Variants in DEPDC5 observed in about 807,000 individuals in gnomAD.
DEPDC5 encodes the protein DEP domain containing 5, GATOR1 subcomplex subunit, also known as GATOR1 complex protein DEPDC5.
DEPDC5 carries 73 observed loss-of-function variants against 217.3 expected under a neutral mutation model. The ratio of observed to expected loss-of-function variants is 0.34; its 90% CI spans 0.28 to 0.41. DEPDC5 has a LOEUF of 0.41. Among genes scored for constraint, DEPDC5 ranks in the 10% least tolerant of loss-of-function variants. The pLI, the probability that DEPDC5 is intolerant of heterozygous loss-of-function variation, is 1.00. For synonymous variants in DEPDC5, 733 were observed against 756.7 expected (o/e 0.97, Z 0.51); for missense variants, 1,675 against 2,070.1 (o/e 0.81, Z 3.70).
chr22:31,768,989 A>G, intron 7 of DEPDC5, 126 bp downstream of exon 7: 3 of 1,266,010 alleles, frequency 2.4e-6, no homozygotes, highest in Admixed American at 3.7e-5. Flanking sequence ...GGCTGGCCAC[A>G]GTGGCTCACG....
At chr22:31,887,844 A>G (rs1351861768) in intron 38 of DEPDC5, among the ~76,000 whole-genome samples, 1 of 152,018 alleles carries the variant, frequency 6.6e-6, no homozygotes, top group African/African-American at 2.4e-5. Flanking sequence ...TTACTGTGTC[A>G]TTTACTCAAG....
At chr22:31,799,798 C>CTTTT (rs1237771354) in intron 14 of DEPDC5, among the ~76,000 whole-genome samples, 2 of 119,228 alleles carry the variant, frequency 1.7e-5, no homozygotes, top group African/African-American at 3.7e-5. Flanking sequence ...CCATGCCCGG[C>CTTTT]CTTTTTTTTT....
intron 40 of DEPDC5, 44 bp downstream of exon 40, chr22:31,897,697 C>A: frequency 6.2e-7 from 1 of 1,600,376 alleles, no homozygotes; most frequent in South Asian, 1.1e-5. Flanking sequence ...CCAGTAAGAC[C>A]CCGTCCCTAA....
rs1464429513 is a variant in DEPDC5, at chr22:31,821,573, C to A, written c.1942C>A (p.Gln648Lys). The A allele has an allele frequency of 6.2e-7, 1 of 1,614,080 alleles. No individual in the cohort carries two copies. Among genetic ancestry groups the A allele is most frequent in the African/African-American group, 1.3e-5 (1 of 74,926 alleles). The part of the protein sequence containing the change: ...QNMAELQGSG[Q>K]RDPTHSSAEL... ...TATGGCGGAGCTACAAGGCAGCGGG[C>A]AGAGGGATCCAACTCACTCCTCTGC... Residue 648 changes from glutamine to lysine, a missense_variant, in exon 23 of 43, where the codon CAG (glutamine) becomes AAG (lysine). Transcript: ENST00000651528.
chr22:31,843,681 C>CA lies in DEPDC5; in HGVS notation c.2671dup (p.Ser891LysfsTer41). 1 of 1,613,140 alleles carries CA rather than the reference C, an allele frequency of 6.2e-7. No individual in the cohort carries two copies. Among genetic ancestry groups the CA allele is most frequent in the Non-Finnish European group, 8.5e-7 (1 of 1,179,232 alleles). Reference sequence around the variant, plus strand: ...AATCTGCCCAGATCCACTACACCTACAGCCTCTGTCCTTCCCACTCAGACT... The same window carrying CA: ...AATCTGCCCAGATCCACTACACCTACAAGCCTCTGTCCTTCCCACTCAGACT... On this transcript the variant is annotated frameshift_variant, in exon 29 of 43. Transcript: ENST00000651528. LOFTEE classifies it high-confidence loss of function.
intron 8 of DEPDC5, among the ~76,000 whole-genome samples, chr22:31,780,277 C>T (rs868408188): frequency 3.2e-4 from 48 of 152,038 alleles, no homozygotes; most frequent in African/African-American, 1.1e-3. Flanking sequence ...AGAACTTGCT[C>T]ATAGATTGGA....
At chr22:31,858,659 A>G (rs2092394347) in intron 32 of DEPDC5, 2 of 152,076 alleles carry the variant, frequency 1.3e-5, no homozygotes, top group African/African-American at 4.8e-5. Context: ...TTTTTCCCCT[A>G]AGCAACCCCA....
chr22:31,847,302 GAGGCC>G (rs1166099500), intron 31 of DEPDC5, among the ~76,000 whole-genome samples: 1 of 151,848 alleles, frequency 6.6e-6, no homozygotes, highest in African/African-American at 2.4e-5. Flanking sequence ...CAGATCACTT[GAGGCC>G]AGGAGTTTGA....
At chr22:31,887,200 C>T (rs2093337594) in intron 38 of DEPDC5, among the ~76,000 whole-genome samples, 1 of 151,450 alleles carries the variant, frequency 6.6e-6, no homozygotes, top group Non-Finnish European at 1.5e-5. Context: ...GGGTGGATCA[C>T]CTAAGGTCAG....
chr22:31,848,011 A>G (rs545633114), intron 31 of DEPDC5, among the ~76,000 whole-genome samples: 5 of 152,350 alleles, frequency 3.3e-5, no homozygotes, highest in South Asian at 2.1e-4. Context: ...AAGGGGCTAC[A>G]GGCCCCATGC....
chr22:31,809,551 T>C, intron 18 of DEPDC5, 60 bp from the exon 19 acceptor site: 1 of 1,588,548 alleles, frequency 6.3e-7, no homozygotes. Flanking sequence ...ATACTGTGCC[T>C]TGTGATAAGT....
intron 35 of DEPDC5, 39 bp downstream of exon 35, chr22:31,873,371 A>G (rs2092903608): frequency 1.9e-6 from 3 of 1,599,636 alleles, no homozygotes; most frequent in South Asian, 2.2e-5. Flanking sequence ...GAAGGTTCCC[A>G]GAAGCCTGTG....
At chr22:31,899,296 T>C (rs2093607361) in intron 40 of DEPDC5, among the ~76,000 whole-genome samples, 1 of 152,358 alleles carries the variant, frequency 6.6e-6, no homozygotes, top group Non-Finnish European at 1.5e-5. Flanking sequence ...CCATTTCCTA[T>C]AGCAGCAAAT....
At chr22:31,818,420 G>A in intron 21 of DEPDC5, among the ~76,000 whole-genome samples, 1 of 152,112 alleles carries the variant, frequency 6.6e-6, no homozygotes, top group East Asian at 1.9e-4. Context: ...TTGGTCTCCT[G>A]GGTTGCCACA....
intron 39 of DEPDC5, among the ~76,000 whole-genome samples, chr22:31,895,582 A>G (rs1042645183): frequency 2.6e-5 from 4 of 152,138 alleles, no homozygotes; most frequent in African/African-American, 9.7e-5. Context: ...GCTTCTCTCA[A>G]CACCAGCCCA....
At chr22:31,838,135 T>C (rs891675571) in intron 26 of DEPDC5, among the ~76,000 whole-genome samples, 1 of 152,194 alleles carries the variant, frequency 6.6e-6, no homozygotes, top group Non-Finnish European at 1.5e-5. Context: ...TATTTTCTAA[T>C]GCAATTATTT....
chr22:31,791,974 G>A, intron 10 of DEPDC5, 59 bp from the exon 11 acceptor site: 1 of 933,332 alleles, frequency 1.1e-6, no homozygotes, highest in South Asian at 1.4e-5. Context: ...CATGCAGTCT[G>A]CTTCATAGTG....
intron 9 of DEPDC5, 64 bp from the exon 10 acceptor site, chr22:31,784,750 A>C: frequency 6.6e-7 from 1 of 1,508,092 alleles, no homozygotes; most frequent in Admixed American, 1.8e-5. Flanking sequence ...TTAGAGAAGA[A>C]ATTGCAAGCA....
At chr22:31,881,249 CT>C (rs1400568179) in intron 38 of DEPDC5, among the ~76,000 whole-genome samples, 1 of 150,066 alleles carries the variant, frequency 6.7e-6, no homozygotes, top group African/African-American at 2.5e-5. Flanking sequence ...TTGCAGTGAG[CT>C]GAGATCGCCC....
Sources: gnomAD v4.1 joint callset for allele counts (sites outside exome capture counted in the v4.1 genomes callset) on GRCh38, gnomAD v4.1.1 for gene constraint, MANE v1.5 for transcripts, NCBI Gene and HGNC (gene_info 2026-07-23, HGNC 2026-07-21) for gene names.